NAALADL2: variants seen among roughly 807,000 people sequenced by gnomAD.
The protein encoded by NAALADL2 is inactive N-acetylated-alpha-linked acidic dipeptidase-like protein 2.
In NAALADL2, 76 loss-of-function variants were observed where a neutral mutation model predicts 87.2. The ratio of observed to expected loss-of-function variants is 0.87; its 90% CI spans 0.72 to 1.05. The LOEUF (loss-of-function observed/expected upper bound fraction) is 1.05. NAALADL2 is among the 50% of genes least tolerant of loss of function. The pLI is 0.00. For synonymous variants in NAALADL2, 354 were observed against 331.0 expected (o/e 1.07, Z -0.75); for missense variants, 1,089 against 945.8 (o/e 1.15, Z -1.99).
At chr3:174,822,503 A>G (rs1721539695) in intron 3 of NAALADL2, among the ~76,000 whole-genome samples, 1 of 152,214 alleles carries the variant, frequency 6.6e-6, no homozygotes, top group African/African-American at 2.4e-5. Flanking sequence ...CTGCCCACAA[A>G]TGAGCTGCGT....
chr3:175,158,831 A>T (rs542396638), intron 2 of NAALADL2, among the ~76,000 whole-genome samples: 1 of 152,232 alleles, frequency 6.6e-6, no homozygotes, highest in Admixed American at 6.5e-5. Flanking sequence ...AAATGTTTGA[A>T]AGTATCCTAA....
chr3:174,443,929 C>A (rs886427517), intron 1 of NAALADL2, among the ~76,000 whole-genome samples: 1 of 150,216 alleles, frequency 6.7e-6, no homozygotes, highest in Non-Finnish European at 1.5e-5. Flanking sequence ...AGGAAGTAGA[C>A]ATGAAAGCTT....
At chr3:175,055,942 G>A (rs1431698358) in intron 1 of NAALADL2, among the ~76,000 whole-genome samples, 1 of 152,138 alleles carries the variant, frequency 6.6e-6, no homozygotes, top group Admixed American at 6.6e-5. Flanking sequence ...AAAGAAAAAG[G>A]ACCAAATGTA....
At chr3:174,947,179 T>C (rs1219663977) in intron 1 of NAALADL2, among the ~76,000 whole-genome samples, 1 of 152,206 alleles carries the variant, frequency 6.6e-6, no homozygotes, top group African/African-American at 2.4e-5. Flanking sequence ...CTGATTTTTC[T>C]ATATTATAGT....
At chr3:174,688,156 C>A (rs1415199716) in intron 2 of NAALADL2, among the ~76,000 whole-genome samples, 3 of 152,094 alleles carry the variant, frequency 2.0e-5, no homozygotes, top group Admixed American at 6.6e-5. Context: ...ATTAGCCAGT[C>A]CCTGCCACTA....
intron 2 of NAALADL2, among the ~76,000 whole-genome samples, chr3:175,206,624 TG>T (rs1560164620): frequency 6.6e-6 from 1 of 151,982 alleles, no homozygotes; most frequent in African/African-American, 2.4e-5. Flanking sequence ...GCTCGGGTGA[TG>T]GTTACACCAA....
intron 3 of NAALADL2, among the ~76,000 whole-genome samples, chr3:175,240,018 AC>A (rs1242228671): frequency 2.0e-5 from 3 of 152,182 alleles, no homozygotes; most frequent in African/African-American, 4.8e-5. Context: ...GAAAGAACAA[AC>A]TTTTATTATA....
chr3:175,042,550 C>T (rs1754206568), intron 1 of NAALADL2, among the ~76,000 whole-genome samples: 1 of 152,082 alleles, frequency 6.6e-6, no homozygotes, highest in Non-Finnish European at 1.5e-5. Context: ...ATATTCCCCC[C>T]AACAATGAAT....
chr3:175,328,890 G>A (rs76126906), intron 5 of NAALADL2, among the ~76,000 whole-genome samples: 2,053 of 152,246 alleles, frequency 0.013, 53 homozygotes, highest in African/African-American at 0.046. Context: ...TCTTTAAGTA[G>A]TATTCCATTT....
chr3:175,011,298 G>C (rs1367423029), intron 1 of NAALADL2, among the ~76,000 whole-genome samples: 26 of 151,526 alleles, frequency 1.7e-4, no homozygotes, highest in Middle Eastern at 3.4e-3. Flanking sequence ...GAGAGAGAGA[G>C]AGAGAGAGAG....
In NAALADL2 at chr3:175,103,875, G is replaced by C. The variant is rs965707506; in HGVS notation, c.545+6584G>C. 2.6e-5 allele frequency among the ~76,000 whole-genome samples: 4 copies of C among 151,996 alleles called. 1 individual carries two copies. The highest frequency in any genetic ancestry group is 6.6e-5 in the Admixed American group (1 of 15,238). Reference sequence around the variant, plus strand: ...TTTTATGGTCTTTCCTGACAAAATTGATCTGCTGAAAGGAGAAAATCTCTG... The same window carrying C: ...TTTTATGGTCTTTCCTGACAAAATTCATCTGCTGAAAGGAGAAAATCTCTG... On this transcript the variant is annotated intron_variant, in intron 2 of 13. Transcript: ENST00000454872.
At chr3:175,069,856 T>G (rs986755108) in intron 1 of NAALADL2, among the ~76,000 whole-genome samples, 40 of 149,294 alleles carry the variant, frequency 2.7e-4, no homozygotes, top group African/African-American at 9.8e-4. Context: ...GTTCATGTCC[T>G]TTGTAGGGAC....
At chr3:174,761,618 A>AT (rs1020497148) in intron 3 of NAALADL2, among the ~76,000 whole-genome samples, 3 of 152,070 alleles carry the variant, frequency 2.0e-5, no homozygotes, top group African/African-American at 7.2e-5. Flanking sequence ...TTTAAGAAAA[A>AT]TTTTTTTATT....
intron 5 of NAALADL2, among the ~76,000 whole-genome samples, chr3:175,329,019 T>C (rs970175488): frequency 3.3e-5 from 5 of 152,194 alleles, no homozygotes; most frequent in Non-Finnish European, 5.9e-5. Flanking sequence ...TTCCATCTAC[T>C]TTCTTTAATA....
chr3:175,230,466 A>T (rs985052531), intron 2 of NAALADL2, among the ~76,000 whole-genome samples: 7 of 152,054 alleles, frequency 4.6e-5, no homozygotes, highest in African/African-American at 1.7e-4. Context: ...CAAAAACAAG[A>T]GCAGTTATTC....
intron 3 of NAALADL2, among the ~76,000 whole-genome samples, chr3:174,826,625 ATTACT>A (rs1400432155): frequency 6.6e-6 from 1 of 152,202 alleles, no homozygotes; most frequent in Non-Finnish European, 1.5e-5. Context: ...CCTTGGCAAA[ATTACT>A]TAACTTTTTT....
intron 5 of NAALADL2, among the ~76,000 whole-genome samples, chr3:175,349,193 T>C (rs867862320): frequency 7.4e-6 from 1 of 135,032 alleles, no homozygotes; most frequent in Non-Finnish European, 1.6e-5. Flanking sequence ...ATAATTCCAC[T>C]GGACAACTGC....
At chr3:175,718,310 G>A in intron 11 of NAALADL2, 2 of 1,585,638 alleles carry the variant, frequency 1.3e-6, no homozygotes, top group Non-Finnish European at 1.7e-6. Context: ...GCTCTTGCAG[G>A]ACAACTTTGA....
chr3:175,043,740 C>T (rs901708688), intron 1 of NAALADL2, among the ~76,000 whole-genome samples: 9 of 152,018 alleles, frequency 5.9e-5, no homozygotes, highest in Admixed American at 4.6e-4. Flanking sequence ...GTCTATGTGT[C>T]TGTATTTATG....
Sources: gnomAD v4.1 joint callset for allele counts (sites outside exome capture counted in the v4.1 genomes callset) on GRCh38, gnomAD v4.1.1 for gene constraint, MANE v1.5 for transcripts, NCBI Gene and HGNC (gene_info 2026-07-23, HGNC 2026-07-21) for gene names.